FHIT: variants seen among roughly 807,000 people sequenced by gnomAD.
The protein encoded by FHIT is fragile histidine triad diadenosine triphosphatase, also known as bis(5'-adenosyl)-triphosphatase.
Under a neutral mutation model 17.9 loss-of-function variants are expected in FHIT, and 19 were observed. The observed-to-expected ratio is 1.06, with a 90% CI of 0.74 to 1.56. FHIT has a LOEUF of 1.56. FHIT is among the 40% of genes most tolerant of loss of function. The pLI is 0.00. For synonymous variants in FHIT, 81 were observed against 69.7 expected, an observed-to-expected ratio of 1.16 and a Z score of -0.81; for missense variants, 248 against 189.2, an observed-to-expected ratio of 1.31 and a Z score of -1.82.
intron 5 of FHIT, among the ~76,000 whole-genome samples, chr3:60,480,212 T>C (rs1036944249): frequency 6.6e-6 from 1 of 152,024 alleles, no homozygotes; most frequent in African/African-American, 2.4e-5. Context: ...TAACCACATC[T>C]CATGAGAACT....
chr3:60,719,261 C>T (rs1274788485), intron 4 of FHIT, among the ~76,000 whole-genome samples: 4 of 152,142 alleles, frequency 2.6e-5, no homozygotes, highest in Admixed American at 1.3e-4. Flanking sequence ...TGGAGGCCTG[C>T]TATTTTTTTC....
intron 7 of FHIT, among the ~76,000 whole-genome samples, chr3:59,940,648 T>A (rs1706469177): frequency 6.6e-6 from 1 of 152,126 alleles, no homozygotes; most frequent in Non-Finnish European, 1.5e-5. Flanking sequence ...TGGGATGAAA[T>A]CCCCACCCCA....
intron 4 of FHIT, among the ~76,000 whole-genome samples, chr3:60,640,263 C>G (rs2039692841): frequency 6.6e-6 from 1 of 151,986 alleles, no homozygotes; most frequent in African/African-American, 2.4e-5. Flanking sequence ...TACATGGGCA[C>G]AGTTTATTAT....
At chr3:60,956,209 T>C (rs1174459246) in intron 3 of FHIT, among the ~76,000 whole-genome samples, 2 of 152,164 alleles carry the variant, frequency 1.3e-5, no homozygotes, top group Non-Finnish European at 2.9e-5. Flanking sequence ...AAAACCCATA[T>C]GTAAGCCTCT....
intron 1 of FHIT, among the ~76,000 whole-genome samples, chr3:61,205,814 T>G (rs1319698482): frequency 2.6e-5 from 4 of 151,732 alleles, no homozygotes; most frequent in Non-Finnish European, 4.4e-5. Flanking sequence ...CAGAAGTGCT[T>G]TAGTTTAATT....
At chr3:61,242,735 C>T (rs150881160) in intron 1 of FHIT, among the ~76,000 whole-genome samples, 272 of 152,220 alleles carry the variant, frequency 1.8e-3, no homozygotes, top group African/African-American at 6.2e-3. Context: ...GTGGGGAGTG[C>T]TGATCGGTCG....
intron 5 of FHIT, among the ~76,000 whole-genome samples, chr3:60,093,710 T>G (rs1020735974): frequency 4.6e-5 from 7 of 152,200 alleles, no homozygotes; most frequent in Non-Finnish European, 1.0e-4. Flanking sequence ...TACTATGAAC[T>G]GCACATGCGA....
At chr3:61,062,137 C>T (rs1443078069) in intron 2 of FHIT, among the ~76,000 whole-genome samples, 1 of 152,072 alleles carries the variant, frequency 6.6e-6, no homozygotes, top group East Asian at 1.9e-4. Flanking sequence ...CAAGGAATTT[C>T]TATGTCAAAA....
intron 5 of FHIT, among the ~76,000 whole-genome samples, chr3:60,085,379 A>G (rs756438596): frequency 3.9e-5 from 6 of 152,248 alleles, no homozygotes; most frequent in Middle Eastern, 3.4e-3. Flanking sequence ...ACATCATTCT[A>G]CACTTACATT....
At chr3:59,955,204 A>C (rs1055603228) in intron 7 of FHIT, among the ~76,000 whole-genome samples, 20 of 152,116 alleles carry the variant, frequency 1.3e-4, no homozygotes, top group African/African-American at 4.6e-4. Flanking sequence ...ACTTTGCCAA[A>C]CTCAATGGAC....
chr3:60,260,573 T>A (rs1706240402), intron 5 of FHIT, among the ~76,000 whole-genome samples: 1 of 152,058 alleles, frequency 6.6e-6, no homozygotes, highest in Admixed American at 6.6e-5. Flanking sequence ...CTCTATAACC[T>A]TAATGAATTC....
chr3:60,855,178 G>A lies in FHIT; in HGVS notation c.-110-33167C>T, dbSNP rs369640216. On this transcript the variant is annotated intron_variant, in intron 3 of 9. Coordinates refer to ENST00000492590, the MANE Select transcript of FHIT (RefSeq NM_002012.4). Reference sequence around the variant, plus strand: ...CTGATAACAAAACCCAAATTCTGACGGGCAGCATGTGCTTAGCCTTAGATA... The same window carrying A: ...CTGATAACAAAACCCAAATTCTGACAGGCAGCATGTGCTTAGCCTTAGATA... 3.9e-5 allele frequency among the ~76,000 whole-genome samples: 6 copies of A among 152,000 alleles called. No homozygotes were observed. The East Asian group carries it at 5.8e-4, about 15-fold the overall frequency.
chr3:59,764,330 A>C (rs1701684825), intron 8 of FHIT, among the ~76,000 whole-genome samples: 1 of 152,220 alleles, frequency 6.6e-6, no homozygotes, highest in Non-Finnish European at 1.5e-5. Flanking sequence ...TTGGCACTGG[A>C]TCTCATATGC....
At chr3:60,384,440 T>A (rs1700927088) in intron 5 of FHIT, among the ~76,000 whole-genome samples, 1 of 152,194 alleles carries the variant, frequency 6.6e-6, no homozygotes. Flanking sequence ...TTATACACTT[T>A]AAAGGTTTGG....
At chr3:60,569,103 T>C (rs751823552) in intron 4 of FHIT, among the ~76,000 whole-genome samples, 3 of 152,070 alleles carry the variant, frequency 2.0e-5, no homozygotes, top group African/African-American at 4.8e-5. Context: ...CATTTTCCTA[T>C]TACAGTTTAA....
At chr3:60,251,041 T>C (rs1248708583) in intron 5 of FHIT, among the ~76,000 whole-genome samples, 1 of 152,178 alleles carries the variant, frequency 6.6e-6, no homozygotes, top group Non-Finnish European at 1.5e-5. Context: ...ACAAACTCTA[T>C]TACTTCCTTG....
At chr3:60,119,486 A>G (rs1404677960) in intron 5 of FHIT, among the ~76,000 whole-genome samples, 1 of 152,226 alleles carries the variant, frequency 6.6e-6, no homozygotes, top group Non-Finnish European at 1.5e-5. Flanking sequence ...CAAAATATGA[A>G]ATCAGTGGTG....
intron 8 of FHIT, among the ~76,000 whole-genome samples, chr3:59,810,839 C>T (rs1271768636): frequency 6.6e-6 from 1 of 152,180 alleles, no homozygotes; most frequent in Non-Finnish European, 1.5e-5. Context: ...AAGCTTTCTG[C>T]TTTCTGAATT....
rs544433759 is a variant in FHIT, at chr3:60,079,117, C to T, written c.104-64965G>A. On this transcript the variant is annotated intron_variant, in intron 5 of 9. Coordinates refer to ENST00000492590, the MANE Select transcript of FHIT (RefSeq NM_002012.4). ...CAAGATGGTGCTGCAAAGCTCCAACCCAAGAGCTGGCCCCTGAAGCACACA... is the reference window on the plus strand; with the variant it reads ...CAAGATGGTGCTGCAAAGCTCCAACTCAAGAGCTGGCCCCTGAAGCACACA... Among the ~76,000 whole-genome samples the T allele has an allele frequency of 1.1e-4, 17 of 152,122 alleles. 1 individual carries two copies. Among genetic ancestry groups the T allele is most frequent in the South Asian group, 2.1e-4 (1 of 4,808 alleles).
Sources: gnomAD v4.1 joint callset for allele counts (sites outside exome capture counted in the v4.1 genomes callset) on GRCh38, gnomAD v4.1.1 for gene constraint, MANE v1.5 for transcripts, NCBI Gene and HGNC (gene_info 2026-07-23, HGNC 2026-07-21) for gene names.